The following SMCO2 variants were observed in gnomAD, a reference collection of about 807,000 sequenced individuals.
SMCO2 encodes single-pass membrane and coiled-coil domain-containing protein 2.
Under a neutral mutation model 29.5 loss-of-function variants are expected in SMCO2, and 25 were observed. The observed-to-expected ratio is 0.85, with a 90% confidence interval of 0.62 to 1.18. The LOEUF (loss-of-function observed/expected upper bound fraction) is 1.18. Among genes scored for constraint, SMCO2 ranks in the 50% most tolerant of loss-of-function variants. The pLI is 0.00. For synonymous variants in SMCO2, 117 were observed against 123.3 expected, an observed-to-expected ratio of 0.95 and a Z score of 0.34; for missense variants, 348 against 344.5, an observed-to-expected ratio of 1.01 and a Z score of -0.08.
intron 4 of SMCO2, chr12:27,475,696 T>TA: frequency 1.3e-6 from 2 of 1,548,840 alleles, no homozygotes; most frequent in South Asian, 2.4e-5. Flanking sequence ...ACAATATTAT[T>TA]AAAAAAATAA....
chr12:27,490,136 A>G (rs1167998699), intron 5 of SMCO2, among the ~76,000 whole-genome samples: 2 of 152,252 alleles, frequency 1.3e-5, no homozygotes, highest in Middle Eastern at 3.2e-3. Flanking sequence ...TCATTTGGAT[A>G]AACTGCAGTA....
chr12:27,483,991 T>A (rs76936779), intron 4 of SMCO2, among the ~76,000 whole-genome samples: 1 of 152,316 alleles, frequency 6.6e-6, no homozygotes, highest in Non-Finnish European at 1.5e-5. Context: ...AGAAAAAAAT[T>A]GTTTATATTT....
At chr12:27,454,208 T>G in the SMCO2 span, among the ~76,000 whole-genome samples, 5 of 152,190 alleles carry the variant, frequency 3.3e-5, no homozygotes, top group Non-Finnish European at 7.3e-5. Context: ...GCTCTCAAAC[T>G]CCTGGGCTCA....
chr12:27,462,476 G>A (rs980419533), upstream of SMCO2, among the ~76,000 whole-genome samples: 1 of 152,076 alleles, frequency 6.6e-6, no homozygotes, highest in Non-Finnish European at 1.5e-5. Context: ...AATCTTCGCC[G>A]CCTGAGGTTT....
exon 7 of SMCO2, chr12:27,495,766 G>T: frequency 6.5e-7 from 1 of 1,541,112 alleles, no homozygotes; most frequent in Non-Finnish European, 8.8e-7. Flanking sequence ...ACAGTTCTGA[G>T]GAAATAGATA....
At chr12:27,432,629 G>A in the SMCO2 span, among the ~76,000 whole-genome samples, 7,759 of 152,216 alleles carry the variant, frequency 0.051, 231 homozygotes, top group Middle Eastern at 0.082. Context: ...GAAATATCAC[G>A]TTTTTCTTGT....
chr12:27,442,639 AC>A, the SMCO2 span, among the ~76,000 whole-genome samples: 1 of 152,186 alleles, frequency 6.6e-6, no homozygotes, highest in Admixed American at 6.5e-5. Context: ...ATAGGGTCTC[AC>A]TTTGTCAGCC....
chr12:27,500,010 TTAAA>T (rs1369460413), intron 7 of SMCO2, among the ~76,000 whole-genome samples: 1 of 150,572 alleles, frequency 6.6e-6, no homozygotes, highest in African/African-American at 2.5e-5. Flanking sequence ...GGTTTGAAAA[TTAAA>T]TAAATAGTAT....
the SMCO2 span, among the ~76,000 whole-genome samples, chr12:27,451,561 C>T: frequency 1.6e-4 from 25 of 152,332 alleles, 1 homozygote; most frequent in Non-Finnish European, 2.6e-4. Context: ...TTATCTAACA[C>T]GTGTATTTTC....
chr12:27,440,545 G>A, the SMCO2 span, among the ~76,000 whole-genome samples: 3 of 151,662 alleles, frequency 2.0e-5, no homozygotes, highest in Non-Finnish European at 4.4e-5. Flanking sequence ...ACAATAGGTA[G>A]AGCAACCTGT....
intron 5 of SMCO2, among the ~76,000 whole-genome samples, chr12:27,493,116 G>C (rs117271405): frequency 7.6e-4 from 115 of 152,256 alleles, no homozygotes; most frequent in South Asian, 1.5e-3. Context: ...TCATTTATAA[G>C]TGGGAGCCAA....
intron 7 of SMCO2, among the ~76,000 whole-genome samples, chr12:27,501,468 C>T (rs924396083): frequency 6.8e-6 from 1 of 147,666 alleles, no homozygotes; most frequent in African/African-American, 2.6e-5. Context: ...AAAAAAGCTT[C>T]TATTATTTTA....
At chr12:27,438,570 G>A in the SMCO2 span, among the ~76,000 whole-genome samples, 72 of 152,254 alleles carry the variant, frequency 4.7e-4, 1 homozygote, top group Admixed American at 1.8e-3. Flanking sequence ...CAGGAACCTG[G>A]AAGACATCAT....
chr12:27,444,993 G>T, the SMCO2 span, among the ~76,000 whole-genome samples: 18 of 152,308 alleles, frequency 1.2e-4, no homozygotes, highest in Middle Eastern at 3.4e-3. Context: ...ATACACAGTG[G>T]AGTATTATTA....
chr12:27,490,721 G>A (rs147251126), intron 5 of SMCO2, among the ~76,000 whole-genome samples: 175 of 152,222 alleles, frequency 1.1e-3, no homozygotes, highest in African/African-American at 4.1e-3. Flanking sequence ...CTTGAGGTCC[G>A]GAGTTTGAGA....
rs116077139 is a variant in SMCO2 at position 27,500,641 on chromosome 12, G to A, written c.684-1282G>A. Among the ~76,000 whole-genome samples, 16 of 150,854 alleles carry A rather than the reference G, an allele frequency of 1.1e-4. 1 individual carries two copies. Among genetic ancestry groups the A allele is most frequent in the African/African-American group, 4.0e-4 (16 of 40,470 alleles). ...TTATTTACTAGATAGTTTTCGTAGT[G>A]AGTTGTTTTTCTTTTCATAAGAAAG... On this transcript the variant is annotated intron_variant, in intron 7 of 7. Transcript: ENST00000298876.
At chr12:27,430,926 T>G in the SMCO2 span, among the ~76,000 whole-genome samples, 1 of 150,698 alleles carries the variant, frequency 6.6e-6, no homozygotes, top group Non-Finnish European at 1.5e-5. Context: ...AACCTTTGAT[T>G]TATTGTGTGC....
At chr12:27,432,268 CA>C in the SMCO2 span, among the ~76,000 whole-genome samples, 1 of 152,110 alleles carries the variant, frequency 6.6e-6, no homozygotes, top group Non-Finnish European at 1.5e-5. Context: ...AAGTTTGATG[CA>C]GTCCTACTTG....
intron 4 of SMCO2, among the ~76,000 whole-genome samples, chr12:27,487,035 A>C (rs116175370): frequency 2.1e-4 from 32 of 152,354 alleles, no homozygotes; most frequent in Middle Eastern, 3.4e-3. Flanking sequence ...GTATGCCATC[A>C]AAACCAAGAA....
Sources: allele counts gnomAD v4.1 joint callset (sites outside exome capture counted in the v4.1 genomes callset), GRCh38; gene constraint gnomAD v4.1.1; transcripts MANE v1.5; gene names NCBI Gene and HGNC (gene_info 2026-07-23, HGNC 2026-07-21).